The following LNX1 variants were observed in gnomAD, a reference collection of about 807,000 sequenced individuals.
The protein encoded by LNX1 is ligand of numb-protein X 1.
A neutral mutation model predicts 68.4 loss-of-function variants in LNX1; 54 were observed. That is an observed-to-expected ratio of 0.79 (90% CI 0.63 to 0.99). The LOEUF (loss-of-function observed/expected upper bound fraction) is 0.99, where lower values mean the gene tolerates loss of function less well. Ranked by LOEUF, LNX1 falls within the 50% of genes least tolerant of loss-of-function variation. LNX1 has a pLI of 0.00. For missense variants in LNX1, 906 were observed against 926.4 expected, an observed-to-expected ratio of 0.98 and a Z score of 0.29; for synonymous variants, 336 against 350.0, an observed-to-expected ratio of 0.96 and a Z score of 0.45.
Position 53,508,805 on chromosome 4 carries a change from CT to C in LNX1, c.381-579del, listed in dbSNP as rs549702789. The stretch of plus-strand genomic sequence containing the variant: ...TTTCTCTGGGCTGGTCTGGGAGGGC[CT>C]CCCTGGTGTTGGGGGCTCCCATGAT... On this transcript the variant is annotated intron_variant, in intron 2 of 10. Coordinates refer to ENST00000263925, the MANE Select transcript of LNX1 (RefSeq NM_001126328.3). 2.0e-3 allele frequency among the ~76,000 whole-genome samples: 300 copies of C among 152,286 alleles called. 4 individuals carry two copies. The highest frequency in any genetic ancestry group is 2.2e-3 in the Non-Finnish European group (151 of 68,016).
At position 53,475,689 on chromosome 4, in the gene LNX1, T is replaced by A. The variant is rs201394450; in HGVS notation, c.1892+1064A>T. Among the ~76,000 whole-genome samples the A allele has an allele frequency of 6.6e-5, 10 of 152,352 alleles. No homozygotes were observed. In the East Asian group the frequency reaches 1.5e-3, roughly 24 times the overall value. On this transcript the variant is annotated intron_variant, in intron 9 of 10. Coordinates refer to ENST00000263925, the MANE Select transcript of LNX1 (RefSeq NM_001126328.3). ...GATAATCATCTGAAGGCCAACAGTT[T>A]ATGCTCTCATGCAGGTGAGCAAACA...
chr4:53,497,783 G>A (rs1725176996), intron 5 of LNX1, among the ~76,000 whole-genome samples: 1 of 152,198 alleles, frequency 6.6e-6, no homozygotes, highest in Admixed American at 6.5e-5. Flanking sequence ...AGGCCAGCAG[G>A]AATTTCAGTA....
chr4:53,556,431 C>T (rs1254263667), intron 2 of LNX1, among the ~76,000 whole-genome samples: 5 of 152,138 alleles, frequency 3.3e-5, no homozygotes, highest in East Asian at 3.9e-4. Context: ...TGGGTTAATT[C>T]GTGACAGCAG....
rs149789223 is a variant in LNX1 at position 53,491,792 on chromosome 4, C to CTT, written c.1350+4229_1350+4230dup. 5.6e-3 allele frequency among the ~76,000 whole-genome samples: 350 copies of CTT among 62,126 alleles called. 20 individuals are homozygous for CTT. Among genetic ancestry groups the CTT allele is most frequent in the African/African-American group, 9.9e-3 (272 of 27,402 alleles). The allele number at this position is 62,126 out of a possible 152,430, so 40.8% of individuals were successfully genotyped here. A position where few individuals can be genotyped will look rare whatever the true frequency, so the allele number is the denominator to read the frequency against. On this transcript the variant is annotated intron_variant, in intron 6 of 10. Coordinates refer to ENST00000263925, the MANE Select transcript of LNX1 (RefSeq NM_001126328.3). ...TGCTTTAAGTGCTGAGGATACGATACTTTTTTTTGTTTGTTTGTTTTTTGA... is the reference window on the plus strand; with the variant it reads ...TGCTTTAAGTGCTGAGGATACGATACTTTTTTTTTTGTTTGTTTGTTTTTTGA...
chr4:53,568,547 AT>A (rs1730883579), intron 2 of LNX1, among the ~76,000 whole-genome samples: 1 of 151,878 alleles, frequency 6.6e-6, no homozygotes, highest in Non-Finnish European at 1.5e-5. Flanking sequence ...ATCATACTGA[AT>A]GGGCAAAAAC....
chr4:53,631,545 C>T (rs1338550317), intron 1 of LNX1, among the ~76,000 whole-genome samples: 1 of 152,154 alleles, frequency 6.6e-6, no homozygotes, highest in African/African-American at 2.4e-5. Context: ...TGATATGCCT[C>T]CCCATGGCAT....
chr4:53,594,645 CA>C (rs1732670629), upstream of LNX1, among the ~76,000 whole-genome samples: 1 of 152,108 alleles, frequency 6.6e-6, no homozygotes, highest in Non-Finnish European at 1.5e-5. Context: ...GGCACACTAG[CA>C]GTTGGTTTTA....
At chr4:53,569,859 G>A (rs1403036894) in intron 2 of LNX1, among the ~76,000 whole-genome samples, 1 of 142,928 alleles carries the variant, frequency 7.0e-6, no homozygotes, top group East Asian at 2.1e-4. Flanking sequence ...CGAAGGACAT[G>A]AACAGACACT....
intron 2 of LNX1, among the ~76,000 whole-genome samples, chr4:53,570,107 G>A (rs542807796): frequency 1.0e-4 from 15 of 147,820 alleles, no homozygotes; most frequent in East Asian, 8.1e-4. Context: ...TCAGTGTGGC[G>A]ATTCCTCAGG....
At position 53,459,914 on chromosome 4, in the gene LNX1, A is replaced by AGACT. The variant is rs1721508699; in HGVS notation, c.*989_*992dup. The stretch of plus-strand genomic sequence containing the variant: ...TGACACTCTTGCTTAGTATATTAAG[A>AGACT]GACTCATACATTTTTGATATCACAA... On this transcript the variant is annotated 3_prime_UTR_variant, in exon 11 of 11. Coordinates refer to ENST00000263925, the MANE Select transcript of LNX1 (RefSeq NM_001126328.3). 1 of 220,818 alleles carries AGACT rather than the reference A, an allele frequency of 4.5e-6. No homozygotes were observed. Among genetic ancestry groups the AGACT allele is most frequent in the Non-Finnish European group, 9.1e-6 (1 of 110,338 alleles). The allele number at this position is 220,818 out of a possible 1,614,324, so 13.7% of individuals were successfully genotyped here. A position where few individuals can be genotyped will look rare whatever the true frequency, so the allele number is the denominator to read the frequency against.
Position 53,461,456 on chromosome 4 carries a change from G to A in LNX1, c.2030C>T (p.Ala677Val), listed in dbSNP as rs757870438. The change falls in exon 10 of 11, where the codon GCA (alanine) becomes GTA (valine). Residue 677 changes from alanine to valine, a missense_variant. Physicochemically the swap from Ala to Val is moderately conservative, Grantham distance 64. Transcript: ENST00000263925. ...TTACCTAATTCTTCCATCATTGTAT[G>A]CTGGTGTTCCTTCAACAATGGATTT... ...FIKSIVEGTP[A>V]YNDGRIRCGD... is the part of the protein sequence containing the mutation. 53 of 1,610,176 alleles carry A rather than the reference G, an allele frequency of 3.3e-5. No homozygotes were observed. The highest frequency in any genetic ancestry group is 4.4e-5 in the Non-Finnish European group (52 of 1,177,526).
At chr4:53,484,511 C>T (rs13119372) in intron 6 of LNX1, among the ~76,000 whole-genome samples, 37,179 of 151,626 alleles carry the variant, frequency 0.25, 5,195 homozygotes, top group South Asian at 0.51. Context: ...TGCAGCGAAC[C>T]GAGATTGTGG....
chr4:53,552,828 CAAA>C (rs11375920), intron 2 of LNX1, among the ~76,000 whole-genome samples: 7 of 109,598 alleles, frequency 6.4e-5, no homozygotes, highest in Admixed American at 1.0e-4. Flanking sequence ...GACTCCATCT[CAAA>C]AAAAAAAAAA....
intron 1 of LNX1, among the ~76,000 whole-genome samples, chr4:53,638,680 C>A (rs1213734756): frequency 3.9e-5 from 6 of 152,138 alleles, no homozygotes; most frequent in Admixed American, 3.9e-4. Flanking sequence ...TGTTCCTAAG[C>A]TCCAGAAAAC....
intron 1 of LNX1, among the ~76,000 whole-genome samples, chr4:53,623,410 T>A (rs910059223): frequency 6.6e-6 from 1 of 151,854 alleles, no homozygotes; most frequent in Non-Finnish European, 1.5e-5. Context: ...TTTTTTGTAT[T>A]TTTTGGTAGA....
At chr4:53,551,987 C>T (rs1048157179) in intron 2 of LNX1, among the ~76,000 whole-genome samples, 1 of 152,186 alleles carries the variant, frequency 6.6e-6, no homozygotes, top group Non-Finnish European at 1.5e-5. Context: ...TGGGAATAAG[C>T]TATCCCCACT....
At chr4:53,624,718 C>T (rs1440042164) in intron 1 of LNX1, among the ~76,000 whole-genome samples, 1 of 152,132 alleles carries the variant, frequency 6.6e-6, no homozygotes, top group African/African-American at 2.4e-5. Context: ...GGGGGTCTTT[C>T]ACCTTGACCT....
In LNX1 at chr4:53,515,581, G is replaced by A. The variant is rs149917864; in HGVS notation, c.381-7354C>T. Among the ~76,000 whole-genome samples the A allele has an allele frequency of 2.0e-4, 30 of 151,774 alleles. No individual in the cohort carries two copies. In the East Asian group the frequency reaches 5.2e-3, roughly 26 times the overall value. ...TGATCTTTTTTTCATGTATTTCCCT[G>A]GTAATTTTGATATGATTTTATTTGC... On this transcript the variant is annotated intron_variant, in intron 2 of 10. Coordinates refer to ENST00000263925, the MANE Select transcript of LNX1 (RefSeq NM_001126328.3).
chr4:53,507,096 G>A (rs895510580), intron 4 of LNX1, among the ~76,000 whole-genome samples: 1 of 152,150 alleles, frequency 6.6e-6, no homozygotes, highest in Non-Finnish European at 1.5e-5. Flanking sequence ...GCCTGAAGGT[G>A]AGGGTTTCAA....
Sources: gnomAD v4.1 joint callset for allele counts (sites outside exome capture counted in the v4.1 genomes callset) on GRCh38, gnomAD v4.1.1 for gene constraint, MANE v1.5 for transcripts, NCBI Gene and HGNC (gene_info 2026-07-23, HGNC 2026-07-21) for gene names.